The following GATB variants were observed in gnomAD, a reference collection of about 807,000 sequenced individuals.
GATB encodes glutamyl-tRNA(Gln) amidotransferase subunit B, mitochondrial.
GATB carries 39 observed loss-of-function variants against 62.3 expected under a neutral mutation model. The observed-to-expected ratio is 0.63, with a 90% confidence interval of 0.48 to 0.82. The LOEUF is 0.82. Among genes scored for constraint, GATB ranks in the 40% least tolerant of loss-of-function variants. GATB has a pLI of 0.00. For synonymous variants in GATB, 276 were observed against 258.9 expected, an observed-to-expected ratio of 1.07 and a Z score of -0.63; for missense variants, 670 against 684.0, an observed-to-expected ratio of 0.98 and a Z score of 0.23.
intron 2 of GATB, among the ~76,000 whole-genome samples, chr4:151,744,991 C>A (rs115803259): frequency 0.011 from 1,702 of 152,300 alleles, 11 homozygotes; most frequent in Non-Finnish European, 0.018. Context: ...AACACCTAAT[C>A]CCTGCAACAC....
chr4:151,671,028 G>T lies in GATB; in HGVS notation c.*146C>A. The T allele has an allele frequency of 1.1e-6, 1 of 930,972 alleles. No homozygotes were observed. Among genetic ancestry groups the T allele is most frequent in the Non-Finnish European group, 1.6e-6 (1 of 606,122 alleles). 57.7% of individuals were successfully genotyped at this position (930,972 alleles called of 1,614,324 possible). A position where few individuals can be genotyped will look rare whatever the true frequency, so the allele number is the denominator to read the frequency against. On this transcript the variant is annotated 3_prime_UTR_variant, in exon 13 of 13. Coordinates refer to ENST00000263985, the MANE Select transcript of GATB (RefSeq NM_004564.3). ...ACAGGGCCTAGAGGGTGAGAACACTGGTGACATTAATGCCATAGCTGTGGC... is the reference window on the plus strand; with the variant it reads ...ACAGGGCCTAGAGGGTGAGAACACTTGTGACATTAATGCCATAGCTGTGGC...
rs557729836 is a variant in GATB, at chr4:151,686,304, G to A, written c.1331+2326C>T. ...CTCATTCAAGCTGAGCAGCCGAGTC[G>A]GGAAGGGAACTAACACCCGGGCCAC... On this transcript the variant is annotated intron_variant, in intron 10 of 12. Transcript: ENST00000263985. Among the ~76,000 whole-genome samples, 8 of 152,236 alleles carry A rather than the reference G, an allele frequency of 5.3e-5. No individual in the cohort carries two copies. The East Asian group carries it at 1.4e-3, about 26-fold the overall frequency.
chr4:151,697,027 T>G (rs963847231), intron 9 of GATB, among the ~76,000 whole-genome samples: 6 of 152,232 alleles, frequency 3.9e-5, no homozygotes, highest in Non-Finnish European at 5.9e-5. Context: ...TATATACTGT[T>G]GCTGGGAATG....
intron 2 of GATB, chr4:151,723,176 A>G (rs1405158382): frequency 6.6e-6 from 1 of 152,144 alleles, no homozygotes; most frequent in Non-Finnish European, 1.5e-5. Flanking sequence ...TGGCTTCAGG[A>G]AGGGTCAGCA....
At chr4:151,697,181 G>A (rs935198437) in intron 9 of GATB, among the ~76,000 whole-genome samples, 8 of 152,148 alleles carry the variant, frequency 5.3e-5, no homozygotes, top group Non-Finnish European at 1.2e-4. Flanking sequence ...ACCTGCAAGC[G>A]AATGTTTATC....
rs769071663 is a variant in GATB at position 151,679,796 on chromosome 4, C to T, written c.1410+17G>A. The stretch of plus-strand genomic sequence containing the variant: ...GGACAGTAGCACAGTCAGAAGCTGT[C>T]GGGAGTGTGGACATACCTGTTTAGC... On this transcript the variant is annotated intron_variant, in intron 11 of 12. Coordinates refer to ENST00000263985, the MANE Select transcript of GATB (RefSeq NM_004564.3). 11 of 1,606,324 alleles carry T rather than the reference C, an allele frequency of 6.8e-6. No homozygotes were observed. Among genetic ancestry groups the T allele is most frequent in the South Asian group, 1.1e-5 (1 of 90,914 alleles).
At chr4:151,754,857 T>C (rs1283538933) in intron 2 of GATB, among the ~76,000 whole-genome samples, 1 of 152,238 alleles carries the variant, frequency 6.6e-6, no homozygotes, top group Non-Finnish European at 1.5e-5. Flanking sequence ...GGTGATGAGA[T>C]ACCCAGGTTA....
At chr4:151,703,733 C>A (rs1034514826) in intron 8 of GATB, 118 bp downstream of exon 8, 2 of 773,442 alleles carry the variant, frequency 2.6e-6, no homozygotes, top group Non-Finnish European at 4.7e-6. Flanking sequence ...CATGTTACAA[C>A]AATGACAAAA....
chr4:151,753,808 T>A (rs1739768269), intron 2 of GATB, among the ~76,000 whole-genome samples: 1 of 152,024 alleles, frequency 6.6e-6, no homozygotes, highest in South Asian at 2.1e-4. Context: ...AAGAAAGACA[T>A]GACCAATAAA....
chr4:151,678,694 T>C (rs2126955197), intron 11 of GATB, among the ~76,000 whole-genome samples: 1 of 152,316 alleles, frequency 6.6e-6, no homozygotes, highest in South Asian at 2.1e-4. Context: ...TGCCTCATAA[T>C]TATCCCAAAG....
intron 11 of GATB, chr4:151,677,504 C>T (rs1167880695): frequency 6.6e-6 from 1 of 152,216 alleles, no homozygotes; most frequent in Non-Finnish European, 1.5e-5. Flanking sequence ...TGAAACACAG[C>T]ATTACCATAT....
Position 151,671,302 on chromosome 4 carries a change from C to A in GATB, c.1546G>T (p.Val516Leu). 1 of 1,579,664 alleles carries A rather than the reference C, an allele frequency of 6.3e-7. No individual in the cohort carries two copies. The highest frequency in any genetic ancestry group is 8.5e-7 in the Non-Finnish European group (1 of 1,171,934). ...HSVMEAHPQV[V>L]MDVKNRNPRA... is the part of the protein sequence containing the mutation. ...GGGTTTCTGTTCTTCACATCCATTA[C>A]CTAGAAGGACAGAAATTACTTACTT... The change falls in exon 13 of 13, where the codon GTA becomes TTA. Residue 516 changes from valine (V) to leucine (L), a missense_variant and splice_region_variant. Transcript: ENST00000263985.
intron 5 of GATB, 84 bp downstream of exon 5, chr4:151,715,925 G>C: frequency 1.4e-6 from 2 of 1,476,202 alleles, no homozygotes; most frequent in Non-Finnish European, 1.8e-6. Context: ...CAATATAATA[G>C]ACAGAAAATA....
At chr4:151,715,616 A>G (rs569458969) in intron 5 of GATB, among the ~76,000 whole-genome samples, 1 of 152,334 alleles carries the variant, frequency 6.6e-6, no homozygotes, top group African/African-American at 2.4e-5. Flanking sequence ...CTACAAAAGG[A>G]AAGAAACAGA....
At chr4:151,742,540 T>C (rs892147515) in intron 2 of GATB, among the ~76,000 whole-genome samples, 2 of 152,180 alleles carry the variant, frequency 1.3e-5, no homozygotes, top group Admixed American at 6.5e-5. Flanking sequence ...AGCCAGATTA[T>C]AGATTTTGGT....
Position 151,719,465 on chromosome 4 carries a change from G to T in GATB, c.401C>A (p.Ser134Tyr). The T allele has an allele frequency of 6.2e-7, 1 of 1,611,794 alleles. No homozygotes were observed. Among genetic ancestry groups the T allele is most frequent in the South Asian group, 1.1e-5 (1 of 90,552 alleles). The change falls in exon 3 of 13, where the codon TCC becomes TAC. Residue 134 changes from serine (S) to tyrosine (Y), a missense_variant. Ser to Tyr is a moderately radical substitution (Grantham distance 144, BLOSUM62 -2). Transcript: ENST00000263985. ...GAAGTAGTGCTTCCTGTCAAACAAG[G>T]ACTTCTTGTTTATGTGGCAGTTCAG... ...LALNCHINKK[S>Y]LFDRKHYFYA...
At chr4:151,744,567 T>C (rs1739558586) in intron 2 of GATB, among the ~76,000 whole-genome samples, 1 of 151,968 alleles carries the variant, frequency 6.6e-6, no homozygotes, top group Non-Finnish European at 1.5e-5. Flanking sequence ...CTGAGCAACA[T>C]GGTGGGGCCC....
chr4:151,672,505 T>A, intron 12 of GATB: 1 of 424,570 alleles, frequency 2.4e-6, no homozygotes, highest in Non-Finnish European at 4.2e-6. Flanking sequence ...GCTGACACCC[T>A]TTTAAACTAC....
chr4:151,745,853 C>T (rs1369810348), intron 2 of GATB, among the ~76,000 whole-genome samples: 1 of 152,180 alleles, frequency 6.6e-6, no homozygotes, highest in East Asian at 1.9e-4. Flanking sequence ...CTTTTTTAAA[C>T]AGGCTGATCC....
Sources: gnomAD v4.1 joint callset for allele counts (sites outside exome capture counted in the v4.1 genomes callset) on GRCh38, gnomAD v4.1.1 for gene constraint, MANE v1.5 for transcripts, NCBI Gene and HGNC (gene_info 2026-07-23, HGNC 2026-07-21) for gene names.